Variants in RANBP2 observed in about 807,000 individuals in gnomAD.
RANBP2 encodes RAN binding protein 2, also known as E3 SUMO-protein ligase RanBP2.
A neutral mutation model predicts 303.6 loss-of-function variants in RANBP2; 57 were observed. That is an observed-to-expected ratio of 0.19 (90% confidence interval 0.15 to 0.23). RANBP2 has a LOEUF of 0.23. Ranked by LOEUF, RANBP2 falls within the 10% of genes least tolerant of loss-of-function variation. The probability of loss-of-function intolerance (pLI) is 1.00; values close to 1 mark genes in which losing one functional copy is unlikely to be tolerated. For synonymous variants in RANBP2, 1,167 were observed against 1,301.5 expected (o/e 0.90, Z 2.23); for missense variants, 3,138 against 3,780.8 (o/e 0.83, Z 4.46).
the RANBP2 span, among the ~76,000 whole-genome samples, chr2:109,662,620 A>C: frequency 1.3e-5 from 2 of 152,052 alleles, no homozygotes; most frequent in African/African-American, 4.8e-5. Flanking sequence ...CATGTTGGCT[A>C]TGCTGGTCTT....
chr2:109,181,593 G>A, the RANBP2 span, among the ~76,000 whole-genome samples: 1 of 152,136 alleles, frequency 6.6e-6, no homozygotes, highest in Admixed American at 6.5e-5. Context: ...TTTATTAAAA[G>A]TTATGTTTTT....
At chr2:109,706,915 T>C in the RANBP2 span, among the ~76,000 whole-genome samples, 1 of 152,088 alleles carries the variant, frequency 6.6e-6, no homozygotes, top group African/African-American at 2.4e-5. Context: ...AGGTGCCCAG[T>C]TTCAGTTCCA....
At chr2:108,811,734 C>G in the RANBP2 span, among the ~76,000 whole-genome samples, 1 of 151,850 alleles carries the variant, frequency 6.6e-6, no homozygotes, top group Non-Finnish European at 1.5e-5. Flanking sequence ...AACATTGTAC[C>G]CAGTAGGTTA....
intron 6 of RANBP2, among the ~76,000 whole-genome samples, chr2:108,739,185 G>A (rs1314202485): frequency 1.6e-4 from 25 of 151,846 alleles, no homozygotes; most frequent in Non-Finnish European, 3.4e-4. Flanking sequence ...GGTGGATCAC[G>A]AAGTCAGGAG....
intron 9 of RANBP2, among the ~76,000 whole-genome samples, chr2:108,750,376 T>A (rs1213575223): frequency 6.6e-6 from 1 of 152,198 alleles, no homozygotes; most frequent in African/African-American, 2.4e-5. Flanking sequence ...TCTCAACTTT[T>A]CCACTGTTAA....
the RANBP2 span, among the ~76,000 whole-genome samples, chr2:109,271,547 A>G: frequency 1.3e-5 from 2 of 152,190 alleles, no homozygotes; most frequent in Non-Finnish European, 1.5e-5. Flanking sequence ...AACCCCTCAA[A>G]CTCAAGATAG....
In RANBP2 at chr2:108,784,901, A is replaced by C. The variant is rs763197965; in HGVS notation, c.*1000A>C. The stretch of plus-strand genomic sequence containing the variant: ...CTGCTGCATAATTTCCAGAGCTCCT[A>C]GTTTCTCAAGTTTGATACACACCAA... On this transcript the variant is annotated 3_prime_UTR_variant, in exon 29 of 29. Transcript: ENST00000283195. 2.0e-5 allele frequency: 3 copies of C among 152,330 alleles called. No individual in the cohort carries two copies. Among genetic ancestry groups the C allele is most frequent in the Non-Finnish European group, 4.4e-5 (3 of 68,022 alleles). The allele number at this position is 152,330 out of a possible 1,614,324, so 9.4% of individuals were successfully genotyped here.
the RANBP2 span, among the ~76,000 whole-genome samples, chr2:108,990,685 C>T: frequency 6.6e-6 from 1 of 152,138 alleles, no homozygotes; most frequent in South Asian, 2.1e-4. Flanking sequence ...ATTCTGCCTC[C>T]ACAGAGATTA....
At chr2:109,389,115 C>G in the RANBP2 span, among the ~76,000 whole-genome samples, 1 of 152,220 alleles carries the variant, frequency 6.6e-6, no homozygotes, top group South Asian at 2.1e-4. Context: ...AGCTGGTTTT[C>G]TGTCCCAGAG....
intron 25 of RANBP2, among the ~76,000 whole-genome samples, chr2:108,777,553 T>G (rs1445356905): frequency 6.6e-6 from 1 of 152,158 alleles, no homozygotes; most frequent in Admixed American, 6.5e-5. Flanking sequence ...TTGTTAATAT[T>G]TCAGGTTTTG....
chr2:109,663,626 CACA>C, the RANBP2 span, among the ~76,000 whole-genome samples: 4 of 152,252 alleles, frequency 2.6e-5, no homozygotes, highest in African/African-American at 9.6e-5. Context: ...TGCTGAAACT[CACA>C]ACTATATTAG....
At chr2:109,085,477 G>A in the RANBP2 span, among the ~76,000 whole-genome samples, 6 of 143,240 alleles carry the variant, frequency 4.2e-5, no homozygotes, top group Non-Finnish European at 6.1e-5. Flanking sequence ...CTAATTTTTT[G>A]TACTTTTAGT....
At chr2:108,789,286 A>AT (rs1003226013), downstream of RANBP2, among the ~76,000 whole-genome samples, 12 of 151,848 alleles carry the variant, frequency 7.9e-5, no homozygotes, top group African/African-American at 2.4e-4. Context: ...TTCTTTAAAA[A>AT]TTTTTTTTTA....
chr2:108,852,646 C>T, the RANBP2 span, among the ~76,000 whole-genome samples: 1 of 152,114 alleles, frequency 6.6e-6, no homozygotes, highest in Non-Finnish European at 1.5e-5. Context: ...CAGACTAATG[C>T]AGGAACAGAA....
At chr2:109,296,488 C>T in the RANBP2 span, among the ~76,000 whole-genome samples, 156 of 152,168 alleles carry the variant, frequency 1.0e-3, no homozygotes, top group Non-Finnish European at 2.0e-3. Context: ...GTGATCCACC[C>T]GCTTCAGCCT....
intron 25 of RANBP2, among the ~76,000 whole-genome samples, chr2:108,778,869 C>T (rs532438165): frequency 6.6e-6 from 1 of 152,158 alleles, no homozygotes; most frequent in Non-Finnish European, 1.5e-5. Context: ...GCTGGGACCA[C>T]AGGTGTGTAC....
At chr2:109,054,696 C>CAAA in the RANBP2 span, among the ~76,000 whole-genome samples, 21 of 57,840 alleles carry the variant, frequency 3.6e-4, no homozygotes, top group African/African-American at 8.4e-4. Flanking sequence ...GACTCCGTCT[C>CAAA]AAAAAAAAAA....
chr2:108,842,644 C>A, the RANBP2 span, among the ~76,000 whole-genome samples: 2 of 152,006 alleles, frequency 1.3e-5, no homozygotes, highest in Admixed American at 6.6e-5. Context: ...TCTAGCTATT[C>A]CATAGGGAAG....
chr2:109,296,386 C>T, the RANBP2 span, among the ~76,000 whole-genome samples: 2 of 150,992 alleles, frequency 1.3e-5, no homozygotes, highest in African/African-American at 2.5e-5. Context: ...CACCACCACA[C>T]CCAGTTTTTT....
Sources: gnomAD v4.1 joint callset for allele counts (sites outside exome capture counted in the v4.1 genomes callset) on GRCh38, gnomAD v4.1.1 for gene constraint, MANE v1.5 for transcripts, NCBI Gene and HGNC (gene_info 2026-07-23, HGNC 2026-07-21) for gene names.